FREM2: variants seen among roughly 807,000 people sequenced by gnomAD.
FREM2 encodes the protein FRAS1 related extracellular matrix 2, also known as FRAS1-related extracellular matrix protein 2.
FREM2 carries 119 observed loss-of-function variants against 219.9 expected under a neutral mutation model. The ratio of observed to expected loss-of-function variants is 0.54; its 90% CI spans 0.47 to 0.63. The LOEUF (loss-of-function observed/expected upper bound fraction) is 0.63, where lower values mean the gene tolerates loss of function less well. FREM2 is among the 30% of genes least tolerant of loss of function. The pLI is 0.00. For synonymous variants in FREM2, 1,562 were observed against 1,522.8 expected, an observed-to-expected ratio of 1.03 and a Z score of -0.60; for missense variants, 4,030 against 3,993.6, an observed-to-expected ratio of 1.01 and a Z score of -0.25.
At chr13:38,863,565 T>A (rs79007903) in intron 15 of FREM2, among the ~76,000 whole-genome samples, 3 of 134,754 alleles carry the variant, frequency 2.2e-5, no homozygotes, top group Non-Finnish European at 3.3e-5. Context: ...AACAAAAAAA[T>A]GATGAGTGGC....
intron 23 of FREM2, 50 bp from the exon 24 acceptor site, chr13:38,880,234 G>T: frequency 6.3e-7 from 1 of 1,579,276 alleles, no homozygotes; most frequent in Non-Finnish European, 8.7e-7. Flanking sequence ...TCGTGGATTA[G>T]ATTGACATGG....
rs182802916 is a variant in FREM2, at chr13:38,708,755, A to T, written c.5263+10968A>T. ...TGTTGTCTCTACTTTATAACTCTCA[A>T]TGTTTTGTTTTGTTTTGTTTTGAGA... is the stretch of plus-strand genomic sequence containing the variant. On this transcript the variant is annotated intron_variant, in intron 2 of 23. Coordinates refer to ENST00000280481, the MANE Select transcript of FREM2 (RefSeq NM_207361.6). Among the ~76,000 whole-genome samples the T allele has an allele frequency of 4.6e-5, 7 of 151,916 alleles. No homozygotes were observed. In the East Asian group the frequency reaches 1.4e-3, roughly 30 times the overall value.
chr13:38,730,430 G>A (rs969474256), intron 2 of FREM2, among the ~76,000 whole-genome samples: 1 of 152,210 alleles, frequency 6.6e-6, no homozygotes, highest in Non-Finnish European at 1.5e-5. Flanking sequence ...TGGCACCATG[G>A]CAGTTGCTAA....
intron 6 of FREM2, among the ~76,000 whole-genome samples, chr13:38,814,737 G>A (rs1365867806): frequency 6.6e-6 from 1 of 152,114 alleles, no homozygotes; most frequent in Non-Finnish European, 1.5e-5. Flanking sequence ...CAACTTACCT[G>A]ATGTTCTATT....
intron 6 of FREM2, among the ~76,000 whole-genome samples, chr13:38,840,556 A>C (rs1329220202): frequency 6.6e-6 from 1 of 150,950 alleles, no homozygotes; most frequent in African/African-American, 2.4e-5. Flanking sequence ...AGCCAAGTAG[A>C]GAGTGTAAGG....
chr13:38,857,002 T>C (rs2137917833), intron 12 of FREM2, among the ~76,000 whole-genome samples: 1 of 152,298 alleles, frequency 6.6e-6, no homozygotes, highest in Admixed American at 6.5e-5. Context: ...TCTTTACTGC[T>C]TGATGGTTTT....
Position 38,687,430 on chromosome 13 carries a change from G to T in FREM2, c.86G>T (p.Arg29Leu), listed in dbSNP as rs768628258. The change falls in exon 1 of 24, where the codon CGG (arginine) becomes CTG (leucine). Residue 29 changes from arginine to leucine, a missense_variant. By Grantham distance (102) the Arg-to-Leu change is moderately radical. Transcript: ENST00000280481. ...SFQPGPPPPPRLLLLLLLLLS... is the reference protein window; with the variant it reads ...SFQPGPPPPPLLLLLLLLLLS... ...CAACCAGGACCGCCACCGCCGCCCCGGCTGCTGCTGCTGCTGCTGCTTCTC... is the reference window on the plus strand; with the variant it reads ...CAACCAGGACCGCCACCGCCGCCCCTGCTGCTGCTGCTGCTGCTGCTTCTC... The T allele has an allele frequency of 1.6e-5, 25 of 1,599,228 alleles. No individual in the cohort carries two copies. The highest frequency in any genetic ancestry group is 2.0e-5 in the Non-Finnish European group (24 of 1,173,538).
At chr13:38,823,155 A>C (rs143172521) in intron 6 of FREM2, among the ~76,000 whole-genome samples, 1 of 151,562 alleles carries the variant, frequency 6.6e-6, no homozygotes, top group Non-Finnish European at 1.5e-5. Flanking sequence ...CCTCACCCCA[A>C]CTCCTTGATT....
chr13:38,716,969 G>A (rs368741919), intron 2 of FREM2, among the ~76,000 whole-genome samples: 29 of 152,124 alleles, frequency 1.9e-4, no homozygotes, highest in African/African-American at 6.8e-4. Context: ...ATAAATGCTT[G>A]TAAATACCTT....
intron 2 of FREM2, among the ~76,000 whole-genome samples, chr13:38,751,800 CT>C (rs901162285): frequency 7.5e-4 from 110 of 147,066 alleles, no homozygotes; most frequent in East Asian, 3.6e-3. Context: ...CATTGTCTAA[CT>C]TTTTTTTTTT....
At chr13:38,702,614 A>G (rs980012187) in intron 2 of FREM2, among the ~76,000 whole-genome samples, 1 of 125,118 alleles carries the variant, frequency 8.0e-6, no homozygotes. Flanking sequence ...AAAAAATTAG[A>G]ATACATACCT....
At chr13:38,742,642 T>C (rs922409872) in intron 2 of FREM2, among the ~76,000 whole-genome samples, 2 of 152,246 alleles carry the variant, frequency 1.3e-5, no homozygotes, top group East Asian at 3.8e-4. Flanking sequence ...TGAGGAATTA[T>C]GCCATTTTAT....
intron 21 of FREM2, 119 bp from the exon 22 acceptor site, chr13:38,878,015 A>G: frequency 2.3e-6 from 2 of 870,156 alleles, no homozygotes; most frequent in South Asian, 1.4e-5. Context: ...AACATTTGAT[A>G]GTAGATGAGG....
At chr13:38,740,120 T>G (rs763864341) in intron 2 of FREM2, among the ~76,000 whole-genome samples, 2 of 152,180 alleles carry the variant, frequency 1.3e-5, no homozygotes, top group Non-Finnish European at 2.9e-5. Flanking sequence ...CTAAAGAAAC[T>G]TTGAGTTATG....
In FREM2 at chr13:38,687,416, G is replaced by T; in HGVS notation, c.72G>T (p.Pro24=). 5 of 1,604,910 alleles carry T rather than the reference G, an allele frequency of 3.1e-6. No homozygotes were observed. The highest frequency in any genetic ancestry group is 4.3e-6 in the Non-Finnish European group (5 of 1,176,330). Residue 24 remains proline (P), a synonymous_variant, in exon 1 of 24, where the codon CCG becomes CCT. Coordinates refer to ENST00000280481, the MANE Select transcript of FREM2 (RefSeq NM_207361.6). ...ACTCCACCAGCTTTCAACCAGGACCGCCACCGCCGCCCCGGCTGCTGCTGC... is the reference window on the plus strand; with the variant it reads ...ACTCCACCAGCTTTCAACCAGGACCTCCACCGCCGCCCCGGCTGCTGCTGC... ...TGNSTSFQPG[P]PPPPRLLLLL...
intron 2 of FREM2, among the ~76,000 whole-genome samples, chr13:38,754,892 G>GATTATTATTATTATTATT (rs1380525716): frequency 1.6e-4 from 12 of 76,710 alleles, no homozygotes; most frequent in South Asian, 8.1e-4. Context: ...TGATGATGAT[G>GATTATTATTATTATTATT]ATGATGATGA....
In FREM2 at chr13:38,885,394, T is replaced by C. The variant is rs1359849866; in HGVS notation, c.*4607T>C. The stretch of plus-strand genomic sequence containing the variant: ...TATCTTTCAAGCACATTTAATTTCT[T>C]TCCCCTGGTATTTGTTTGCTTTGTG... On this transcript the variant is annotated 3_prime_UTR_variant, in exon 24 of 24. Coordinates refer to ENST00000280481, the MANE Select transcript of FREM2 (RefSeq NM_207361.6). 2.6e-5 allele frequency: 4 copies of C among 152,236 alleles called. No homozygotes were observed. Among genetic ancestry groups the C allele is most frequent in the Non-Finnish European group, 5.9e-5 (4 of 68,028 alleles). 9.4% of individuals were successfully genotyped at this position (152,236 alleles called of 1,614,324 possible). A position where few individuals can be genotyped will look rare whatever the true frequency, so the allele number is the denominator to read the frequency against.
intron 2 of FREM2, among the ~76,000 whole-genome samples, chr13:38,714,804 GCCCAGCGCGGTAGGTCACACCTGTAAT>G (rs1870924413): frequency 1.3e-5 from 2 of 151,936 alleles, no homozygotes; most frequent in Non-Finnish European, 2.9e-5. Flanking sequence ...TTAAAAATTG[GCCCAGCGCGGTAGGTCACACCTGTAAT>G]CCCAGCACTT....
intron 2 of FREM2, 106 bp from the exon 3 acceptor site, chr13:38,764,198 A>G: frequency 2.5e-6 from 2 of 796,340 alleles, no homozygotes; most frequent in Non-Finnish European, 4.4e-6. Flanking sequence ...CAAACTAAGT[A>G]GCTGTATTGA....
Sources: allele counts gnomAD v4.1 joint callset (sites outside exome capture counted in the v4.1 genomes callset), GRCh38; gene constraint gnomAD v4.1.1; transcripts MANE v1.5; gene names NCBI Gene and HGNC (gene_info 2026-07-23, HGNC 2026-07-21).